FILIP1: variants seen among roughly 807,000 people sequenced by gnomAD.
FILIP1 encodes the protein filamin-A-interacting protein 1.
A neutral mutation model predicts 102.1 loss-of-function variants in FILIP1; 61 were observed. That is an observed-to-expected ratio of 0.60 (90% CI 0.49 to 0.74). FILIP1 has a LOEUF of 0.74. Ranked by LOEUF, FILIP1 falls within the 30% of genes least tolerant of loss-of-function variation. The pLI is 0.00. For synonymous variants in FILIP1, 491 were observed against 526.9 expected, an observed-to-expected ratio of 0.93 and a Z score of 0.93; for missense variants, 1,314 against 1,441.2, an observed-to-expected ratio of 0.91 and a Z score of 1.43.
chr6:75,356,531 C>T (rs1465156374), intron 3 of FILIP1, among the ~76,000 whole-genome samples: 4 of 151,372 alleles, frequency 2.6e-5, no homozygotes, highest in South Asian at 2.1e-4. Context: ...TGCAATGGCA[C>T]GATCTTGGCT....
At chr6:75,297,281 A>G (rs1006087385) in intron 6 of FILIP1, among the ~76,000 whole-genome samples, 3 of 152,204 alleles carry the variant, frequency 2.0e-5, no homozygotes, top group African/African-American at 4.8e-5. Flanking sequence ...GTATTATGCC[A>G]TAGACTTATA....
intron 1 of FILIP1, chr6:75,473,703 A>C (rs776033407): frequency 2.0e-5 from 3 of 152,212 alleles, no homozygotes; most frequent in Non-Finnish European, 4.4e-5. Context: ...ACAACGTATA[A>C]CAATCTCTAC....
Position 75,312,382 on chromosome 6 carries a change from G to A in FILIP1, c.3435+15C>T, listed in dbSNP as rs368466026. On this transcript the variant is annotated intron_variant, in intron 5 of 5. Transcript: ENST00000237172. ...TCCCTCTGCAGGCCTGCGCTTTGGA[G>A]CCTCTTCTACTCACCACTGACTGGG... The A allele has an allele frequency of 1.4e-4, 217 of 1,605,128 alleles. No homozygotes were observed. Among genetic ancestry groups the A allele is most frequent in the Non-Finnish European group, 1.7e-4 (203 of 1,174,802 alleles).
At chr6:75,478,908 T>C (rs1278710633) in intron 1 of FILIP1, among the ~76,000 whole-genome samples, 1 of 152,194 alleles carries the variant, frequency 6.6e-6, no homozygotes, top group Non-Finnish European at 1.5e-5. Flanking sequence ...CAAAGAGTTG[T>C]TTGGTGCAGT....
intron 1 of FILIP1, among the ~76,000 whole-genome samples, chr6:75,424,118 C>A (rs1777559942): frequency 5.3e-5 from 8 of 152,126 alleles, no homozygotes; most frequent in Admixed American, 4.6e-4. Context: ...TTTGCCCAAA[C>A]AATATGGCCA....
chr6:75,332,556 C>G (rs1051435620), intron 4 of FILIP1, among the ~76,000 whole-genome samples: 20 of 152,288 alleles, frequency 1.3e-4, no homozygotes, highest in African/African-American at 4.6e-4. Flanking sequence ...TTGCCCAGTT[C>G]ATCACACCTA....
intron 1 of FILIP1, among the ~76,000 whole-genome samples, chr6:75,447,396 T>G (rs956816478): frequency 6.6e-6 from 1 of 152,146 alleles, no homozygotes; most frequent in Non-Finnish European, 1.5e-5. Flanking sequence ...GAATTGCATT[T>G]TCAAATCTCA....
chr6:75,316,125 G>T (rs900842810), intron 4 of FILIP1, among the ~76,000 whole-genome samples: 1 of 152,148 alleles, frequency 6.6e-6, no homozygotes, highest in African/African-American at 2.4e-5. Context: ...TTTCTCTATG[G>T]CATTTATGAA....
At chr6:75,338,882 T>C (rs954902109) in intron 4 of FILIP1, among the ~76,000 whole-genome samples, 2 of 152,234 alleles carry the variant, frequency 1.3e-5, no homozygotes, top group Non-Finnish European at 2.9e-5. Flanking sequence ...TTGGAAATGT[T>C]CACTTTTAAT....
intron 4 of FILIP1, among the ~76,000 whole-genome samples, chr6:75,336,826 G>T (rs1310567028): frequency 6.6e-6 from 1 of 152,026 alleles, no homozygotes; most frequent in Non-Finnish European, 1.5e-5. Flanking sequence ...CACTCAAAAA[G>T]GCTATATTTA....
At chr6:75,415,567 TG>T (rs1200716565) in intron 1 of FILIP1, among the ~76,000 whole-genome samples, 1 of 70,444 alleles carries the variant, frequency 1.4e-5, no homozygotes, top group Non-Finnish European at 3.1e-5. Flanking sequence ...CCACATAGGG[TG>T]GGGGCTTAAA....
At chr6:75,374,761 T>TA (rs1399658128) in intron 2 of FILIP1, among the ~76,000 whole-genome samples, 2 of 152,222 alleles carry the variant, frequency 1.3e-5, no homozygotes, top group Non-Finnish European at 2.9e-5. Flanking sequence ...AGTGGTTGTT[T>TA]ATCCAGCTTA....
intron 3 of FILIP1, among the ~76,000 whole-genome samples, chr6:75,355,156 G>T (rs556577554): frequency 9.9e-5 from 15 of 151,902 alleles, no homozygotes; most frequent in Admixed American, 8.5e-4. Context: ...TTAGCCAGGC[G>T]TGTTGGCAGA....
At chr6:75,292,993 T>C (rs1471190320) in exon 7 of FILIP1, 1 of 152,234 alleles carries the variant, frequency 6.6e-6, no homozygotes, top group Admixed American at 6.5e-5. Context: ...CAATGAATTC[T>C]TCACATTTTG....
chr6:75,332,924 T>C (rs535959472), intron 4 of FILIP1, among the ~76,000 whole-genome samples: 2 of 152,284 alleles, frequency 1.3e-5, no homozygotes, highest in African/African-American at 4.8e-5. Context: ...TATACAGTGC[T>C]GGGCAAAGTC....
intron 1 of FILIP1, among the ~76,000 whole-genome samples, chr6:75,466,909 C>T (rs1488117576): frequency 6.6e-6 from 1 of 152,154 alleles, no homozygotes; most frequent in Non-Finnish European, 1.5e-5. Flanking sequence ...TTAGTTCATC[C>T]CTCTGCCTCT....
rs1057175220 is a variant in FILIP1, at chr6:75,314,042, T to C, written c.1790A>G (p.Lys597Arg). The C allele has an allele frequency of 3.4e-5, 52 of 1,522,604 alleles. No homozygotes were observed. The highest frequency in any genetic ancestry group is 4.5e-5 in the Non-Finnish European group (51 of 1,143,446). The allele number at this position is 1,522,604 out of a possible 1,614,324, so 94.3% of individuals were successfully genotyped here. A position where few individuals can be genotyped will look rare whatever the true frequency, so the allele number is the denominator to read the frequency against. The change falls in exon 5 of 6, where the codon AAG becomes AGG. Residue 597 changes from lysine (K) to arginine (R), a missense_variant. Lys to Arg is a conservative substitution (Grantham distance 26, BLOSUM62 2). Around this residue, in one of 3 missense-constraint regions of FILIP1, gnomAD observed 816 missense variants for 913.1 expected, o/e 0.89. Transcript: ENST00000237172. ...TTCCTCTATACCATCAAGTCTCTTCTTTAGTAAGTCAACACTGCAGCTTAA... is the reference window on the plus strand; with the variant it reads ...TTCCTCTATACCATCAAGTCTCTTCCTTAGTAAGTCAACACTGCAGCTTAA... ...SELSCSVDLL[K>R]KRLDGIEEVE... is the part of the protein sequence containing the mutation.
chr6:75,454,443 A>G (rs2149739726), intron 1 of FILIP1, among the ~76,000 whole-genome samples: 1 of 152,318 alleles, frequency 6.6e-6, no homozygotes, highest in Non-Finnish European at 1.5e-5. Flanking sequence ...ACGATTCAAA[A>G]TAATCTCCTC....
At chr6:75,412,480 T>A (rs1210946602) in intron 2 of FILIP1, among the ~76,000 whole-genome samples, 3 of 152,168 alleles carry the variant, frequency 2.0e-5, no homozygotes, top group Non-Finnish European at 4.4e-5. Context: ...AGAGAGGGCA[T>A]CCTTGTCTTG....
Sources: allele counts gnomAD v4.1 joint callset (sites outside exome capture counted in the v4.1 genomes callset), GRCh38; gene constraint gnomAD v4.1.1; regional missense constraint gnomAD v4.1.1; transcripts MANE v1.5; gene names NCBI Gene and HGNC (gene_info 2026-07-23, HGNC 2026-07-21).